Variants in CDH4 observed in about 807,000 individuals in gnomAD.
The protein encoded by CDH4 is cadherin-4.
A neutral mutation model predicts 86.0 loss-of-function variants in CDH4; 33 were observed. The ratio of observed to expected loss-of-function variants is 0.38; its 90% CI spans 0.29 to 0.51. CDH4 has a LOEUF of 0.51. CDH4 is among the 20% of genes least tolerant of loss of function. The pLI is 0.86. For synonymous variants in CDH4, 555 were observed against 549.4 expected (o/e 1.01, Z -0.14); for missense variants, 1,114 against 1,307.4 (o/e 0.85, Z 2.28).
intron 2 of CDH4, among the ~76,000 whole-genome samples, chr20:61,698,904 AACTG>A (rs2087743661): frequency 1.3e-5 from 2 of 152,228 alleles, no homozygotes; most frequent in Non-Finnish European, 2.9e-5. Context: ...TTAAACCAGT[AACTG>A]ACTGAGGGCA....
intron 2 of CDH4, among the ~76,000 whole-genome samples, chr20:61,521,203 C>T (rs138612736): frequency 1.3e-5 from 2 of 152,240 alleles, no homozygotes; most frequent in African/African-American, 4.8e-5. Context: ...CTGCAAGTCC[C>T]GCTGCTTCTG....
intron 2 of CDH4, among the ~76,000 whole-genome samples, chr20:61,520,317 GC>G (rs2085859360): frequency 6.6e-6 from 1 of 152,208 alleles, no homozygotes; most frequent in African/African-American, 2.4e-5. Context: ...ACCCTGAGAG[GC>G]AGTGCTGCCT....
intron 4 of CDH4, among the ~76,000 whole-genome samples, chr20:61,791,215 C>T (rs2146016268): frequency 6.6e-6 from 1 of 152,392 alleles, no homozygotes; most frequent in East Asian, 1.9e-4. Context: ...GTGGACAATT[C>T]TTCCAGGTGT....
In CDH4 at chr20:61,314,145, G is replaced by T. The variant is rs540361339; in HGVS notation, c.169+59208G>T. 3.9e-4 allele frequency among the ~76,000 whole-genome samples: 59 copies of T among 152,272 alleles called. 1 individual carries two copies. Among genetic ancestry groups the T allele is most frequent in the Non-Finnish European group, 6.5e-4 (44 of 68,022 alleles). Reference sequence around the variant, plus strand: ...TGAGAGGTGAGAACATTTATGGTCCGTTCCTTTTACAGATTTCAAATTAAC... The same window carrying T: ...TGAGAGGTGAGAACATTTATGGTCCTTTCCTTTTACAGATTTCAAATTAAC... On this transcript the variant is annotated intron_variant, in intron 2 of 15. Coordinates refer to ENST00000614565, the MANE Select transcript of CDH4 (RefSeq NM_001794.5).
intron 2 of CDH4, among the ~76,000 whole-genome samples, chr20:61,453,199 AC>A (rs1445887915): frequency 6.6e-6 from 1 of 152,200 alleles, no homozygotes; most frequent in Non-Finnish European, 1.5e-5. Flanking sequence ...ATATCCAGGA[AC>A]TTGAACAATT....
intron 2 of CDH4, among the ~76,000 whole-genome samples, chr20:61,619,945 C>T (rs2086756583): frequency 6.6e-6 from 1 of 152,168 alleles, no homozygotes. Context: ...TGCACCAGGG[C>T]CTCCATGACG....
chr20:61,900,375 G>A (rs1311248401), intron 8 of CDH4, among the ~76,000 whole-genome samples: 2 of 151,996 alleles, frequency 1.3e-5, no homozygotes, highest in African/African-American at 2.4e-5. Context: ...ATCATTAATT[G>A]GAGCCAACTT....
intron 7 of CDH4, among the ~76,000 whole-genome samples, chr20:61,884,372 G>A (rs945679804): frequency 1.3e-5 from 2 of 152,244 alleles, no homozygotes; most frequent in African/African-American, 2.4e-5. Flanking sequence ...CCGGGTCCCT[G>A]GTTTTCAGCC....
intron 2 of CDH4, among the ~76,000 whole-genome samples, chr20:61,704,885 T>A (rs1321146209): frequency 1.3e-5 from 2 of 152,186 alleles, no homozygotes; most frequent in African/African-American, 2.4e-5. Context: ...TACTGCCAAG[T>A]GTCTCCTAGG....
rs150988146 is a variant in CDH4, at chr20:61,403,486, C to T, written c.169+148549C>T. Reference sequence around the variant, plus strand: ...GTCTACGGTCCCCTCTCTAGAGATCCGGATGTTCTGGAGAGTGGCCACTTT... The same window carrying T: ...GTCTACGGTCCCCTCTCTAGAGATCTGGATGTTCTGGAGAGTGGCCACTTT... On this transcript the variant is annotated intron_variant, in intron 2 of 15. Coordinates refer to ENST00000614565, the MANE Select transcript of CDH4 (RefSeq NM_001794.5). 3.2e-4 allele frequency among the ~76,000 whole-genome samples: 49 copies of T among 152,230 alleles called. No homozygotes were observed. The East Asian group carries it at 6.0e-3, about 19-fold the overall frequency.
intron 2 of CDH4, among the ~76,000 whole-genome samples, chr20:61,645,131 T>C (rs1304168769): frequency 6.6e-6 from 1 of 152,230 alleles, no homozygotes; most frequent in African/African-American, 2.4e-5. Context: ...CTCAAGTTAG[T>C]TACTAGGTTT....
rs367658230 is a variant in CDH4 at position 61,700,057 on chromosome 20, C to T, written c.170-43506C>T. 9.2e-4 allele frequency among the ~76,000 whole-genome samples: 140 copies of T among 152,308 alleles called. 3 individuals are homozygous for T. The South Asian group carries it at 0.028, about 30-fold the overall frequency. On this transcript the variant is annotated intron_variant, in intron 2 of 15. Transcript: ENST00000614565. Reference sequence around the variant, plus strand: ...GCGTGCACTCGGAACACCCCACCCCCGGGGACAAGGAAGGGGGCCTCTGGT... The same window carrying T: ...GCGTGCACTCGGAACACCCCACCCCTGGGGACAAGGAAGGGGGCCTCTGGT...
intron 2 of CDH4, among the ~76,000 whole-genome samples, chr20:61,301,999 G>A (rs1313755088): frequency 1.3e-5 from 2 of 152,232 alleles, no homozygotes; most frequent in Admixed American, 6.5e-5. Context: ...TGCCCAAAAC[G>A]TCTCCAGGTA....
rs776757113 is a variant in CDH4, at chr20:61,703,591, C to T, written c.170-39972C>T. ...TCCCCAGCTTGTGTCCCTTCCCCGTCGCACCTCTTCCCCGTGCCTGGATGA... is the reference window on the plus strand; with the variant it reads ...TCCCCAGCTTGTGTCCCTTCCCCGTTGCACCTCTTCCCCGTGCCTGGATGA... On this transcript the variant is annotated intron_variant, in intron 2 of 15. Transcript: ENST00000614565. This position sits in a 1 kb window ranked among gnomAD's most constrained non-coding sequence, Gnocchi z 4.3. Among the ~76,000 whole-genome samples the T allele has an allele frequency of 6.6e-6, 1 of 152,188 alleles. No individual in the cohort carries two copies. The highest frequency in any genetic ancestry group is 1.5e-5 in the Non-Finnish European group (1 of 68,032).
At chr20:61,611,063 C>A (rs1568712209) in intron 2 of CDH4, among the ~76,000 whole-genome samples, 1 of 151,980 alleles carries the variant, frequency 6.6e-6, no homozygotes, top group African/African-American at 2.4e-5. Context: ...TGAGACTGGG[C>A]CCCCTCAGGC....
At chr20:61,933,988 A>T (rs1305403418) in intron 14 of CDH4, 68 bp from the exon 15 acceptor site, 2 of 1,566,640 alleles carry the variant, frequency 1.3e-6, no homozygotes, top group Non-Finnish European at 1.7e-6. Context: ...ACAGAAAAGG[A>T]TGCAGGGTGG....
At chr20:61,357,479 G>T (rs1313792193) in intron 2 of CDH4, among the ~76,000 whole-genome samples, 1 of 152,190 alleles carries the variant, frequency 6.6e-6, no homozygotes, top group Admixed American at 6.5e-5. Context: ...TCTCTGTGAG[G>T]TCTCACGTGA....
At chr20:61,885,381 C>T (rs1185838658) in intron 7 of CDH4, among the ~76,000 whole-genome samples, 2 of 152,220 alleles carry the variant, frequency 1.3e-5, no homozygotes, top group Non-Finnish European at 1.5e-5. Context: ...CTGGACATTT[C>T]CTGTAAGTGG....
At chr20:61,565,240 TGG>T (rs1568688638) in intron 2 of CDH4, among the ~76,000 whole-genome samples, 4 of 65,396 alleles carry the variant, frequency 6.1e-5, no homozygotes, top group African/African-American at 1.7e-4. Flanking sequence ...GTGGTGGTGG[TGG>T]CGGTGCTCTT....
Sources: allele counts gnomAD v4.1 joint callset (sites outside exome capture counted in the v4.1 genomes callset), GRCh38; gene constraint gnomAD v4.1.1; non-coding constraint Gnocchi (gnomAD v3.1); transcripts MANE v1.5; gene names NCBI Gene and HGNC (gene_info 2026-07-23, HGNC 2026-07-21).